The following UGT1A3 variants were observed in gnomAD, a reference collection of about 807,000 sequenced individuals.
UGT1A3 encodes UDP-glucuronosyltransferase 1A3.
A neutral mutation model predicts 41.0 loss-of-function variants in UGT1A3; 31 were observed. That is an observed-to-expected ratio of 0.76 (90% CI 0.57 to 1.02). The LOEUF (loss-of-function observed/expected upper bound fraction) is 1.02. Among genes scored for constraint, UGT1A3 ranks in the 50% least tolerant of loss-of-function variants. The pLI, the probability that UGT1A3 is intolerant of heterozygous loss-of-function variation, is 0.00. For missense variants in UGT1A3, 737 were observed against 671.0 expected, an observed-to-expected ratio of 1.10 and a Z score of -1.09; for synonymous variants, 262 against 257.6, an observed-to-expected ratio of 1.02 and a Z score of -0.17.
chr2:233,742,421 C>T (rs114948883), intron 1 of UGT1A3, among the ~76,000 whole-genome samples: 5,160 of 152,060 alleles, frequency 0.034, 167 homozygotes, highest in African/African-American at 0.052. Context: ...ACACCTTAAG[C>T]GGTTTTCCTC....
At position 233,768,372 on chromosome 2, in the gene UGT1A3, C is replaced by A; in HGVS notation, c.1240C>A (p.Leu414Met). 1 of 1,614,130 alleles carries A rather than the reference C, an allele frequency of 6.2e-7. No homozygotes were observed. The highest frequency in any genetic ancestry group is 8.5e-7 in the Non-Finnish European group (1 of 1,180,038). The change falls in exon 4 of 5, where the codon CTG becomes ATG. Residue 414 changes from leucine (L) to methionine (M), a missense_variant. By Grantham distance (15) the Leu-to-Met change is conservative. Coordinates refer to ENST00000482026, the MANE Select transcript of UGT1A3 (RefSeq NM_019093.4). The part of the protein sequence containing the change: ...RMETKGAGVT[L>M]NVLEMTSEDL... ...GGAGACTAAGGGAGCTGGAGTGACC[C>A]TGAATGTTCTGGAAATGACTTCTGA...
chr2:233,749,922 T>G (rs1694307540), intron 1 of UGT1A3, among the ~76,000 whole-genome samples: 2 of 151,936 alleles, frequency 1.3e-5, no homozygotes, highest in South Asian at 4.1e-4. Context: ...GTGAGTCAAT[T>G]AAAGCTCTTT....
Position 233,729,346 on chromosome 2 carries a change from T to C in UGT1A3, c.220T>C (p.Phe74Leu), listed in dbSNP as rs1339922469. 6.2e-7 allele frequency: 1 copy of C among 1,614,150 alleles called. No homozygotes were observed. The highest frequency in any genetic ancestry group is 8.5e-7 in the Non-Finnish European group (1 of 1,180,014). Residue 74 changes from phenylalanine to leucine, a missense_variant, in exon 1 of 5, where the codon TTT becomes CTT. Phe to Leu is a conservative substitution (Grantham distance 22). Coordinates refer to ENST00000482026, the MANE Select transcript of UGT1A3 (RefSeq NM_019093.4). ...EVNMHIKEEN[F>L]FTLTTYAISW... Reference sequence around the variant, plus strand: ...GAATATGCACATCAAAGAAGAGAACTTTTTCACCCTGACAACCTATGCCAT... The same window carrying C: ...GAATATGCACATCAAAGAAGAGAACCTTTTCACCCTGACAACCTATGCCAT...
Position 233,729,642 on chromosome 2 carries a change from T to C in UGT1A3, c.516T>C (p.Phe172=), listed in dbSNP as rs1273465947. The C allele has an allele frequency of 3.1e-6, 5 of 1,613,940 alleles. No homozygotes were observed. Among genetic ancestry groups the C allele is most frequent in the South Asian group, 2.2e-5 (2 of 91,062 alleles). Residue 172 remains phenylalanine, a synonymous_variant, in exon 1 of 5, where the codon TTT becomes TTC. Coordinates refer to ENST00000482026, the MANE Select transcript of UGT1A3 (RefSeq NM_019093.4). ...ACCTGTCGATTCCTACTGTGTTTTT[T>C]TTGAGGAACATTCCATGTGATTTAG... ...AKYLSIPTVF[F]LRNIPCDLDF...
intron 1 of UGT1A3, among the ~76,000 whole-genome samples, chr2:233,757,560 A>ATATGTG (rs904896556): frequency 1.6e-5 from 2 of 123,146 alleles, no homozygotes; most frequent in African/African-American, 6.8e-5. Flanking sequence ...ATATATATAT[A>ATATGTG]TGTATATATG....
rs1559392013 is a variant in UGT1A3 at position 233,747,291 on chromosome 2, T to C, written c.867+17298T>C. The C allele has an allele frequency of 3.1e-6, 5 of 1,600,838 alleles. No individual in the cohort carries two copies. In the African/African-American group the frequency reaches 4.0e-5, roughly 13 times the overall value. On this transcript the variant is annotated intron_variant, in intron 1 of 4. Transcript: ENST00000482026. ...TCCTTCTCAGTGCCCAGCCCTGGGCTGAGAGTGGGAAGGTGCTGGTGGTAC... is the reference window on the plus strand; with the variant it reads ...TCCTTCTCAGTGCCCAGCCCTGGGCCGAGAGTGGGAAGGTGCTGGTGGTAC...
intron 1 of UGT1A3, chr2:233,755,528 C>G (rs1695950556): frequency 6.3e-6 from 1 of 159,796 alleles, no homozygotes; most frequent in South Asian, 1.8e-4. Flanking sequence ...CGGCCTCCAA[C>G]CAGCCATGGT....
At chr2:233,732,419 C>T (rs1270659145) in intron 1 of UGT1A3, among the ~76,000 whole-genome samples, 4 of 152,190 alleles carry the variant, frequency 2.6e-5, no homozygotes, top group Non-Finnish European at 5.9e-5. Context: ...CCTAGGTTTT[C>T]TTCTAGGATT....
intron 1 of UGT1A3, among the ~76,000 whole-genome samples, chr2:233,763,089 A>C (rs1698233437): frequency 6.6e-6 from 1 of 152,238 alleles, no homozygotes; most frequent in South Asian, 2.1e-4. Flanking sequence ...GGATGTTTGT[A>C]GGAGAGGCAC....
intron 1 of UGT1A3, among the ~76,000 whole-genome samples, chr2:233,748,343 G>A (rs192012783): frequency 6.6e-5 from 10 of 151,870 alleles, no homozygotes; most frequent in African/African-American, 1.2e-4. Flanking sequence ...GAGACTGTTC[G>A]TTTGTAAAGG....
At chr2:233,766,428 A>G (rs1336103880) in intron 1 of UGT1A3, among the ~76,000 whole-genome samples, 1 of 152,116 alleles carries the variant, frequency 6.6e-6, no homozygotes, top group African/African-American at 2.4e-5. Context: ...CCCGATGTCC[A>G]GCTACCTGTG....
chr2:233,741,163 A>G (rs1015106485), intron 1 of UGT1A3, among the ~76,000 whole-genome samples: 3 of 151,960 alleles, frequency 2.0e-5, no homozygotes, highest in Non-Finnish European at 2.9e-5. Flanking sequence ...AATCCAGGAT[A>G]TATCAAAACT....
At chr2:233,761,212 G>T in intron 1 of UGT1A3, 1 of 1,613,674 alleles carries the variant, frequency 6.2e-7, no homozygotes, top group Non-Finnish European at 8.5e-7. Flanking sequence ...ACTTTGGATC[G>T]ATTAACTAGC....
Position 233,767,883 on chromosome 2 carries a change from A to G in UGT1A3, c.1034A>G (p.Asn345Ser), listed in dbSNP as rs1336725166. 1.2e-6 allele frequency: 2 copies of G among 1,614,150 alleles called. No homozygotes were observed. The highest frequency in any genetic ancestry group is 2.2e-5 in the South Asian group (2 of 91,074). Residue 345 changes from asparagine to serine, a missense_variant, in exon 3 of 5, where the codon AAT (asparagine) becomes AGT (serine). Coordinates refer to ENST00000482026, the MANE Select transcript of UGT1A3 (RefSeq NM_019093.4). ...LWRYTGTRPSNLANNTILVKW... is the reference protein window; with the variant it reads ...LWRYTGTRPSSLANNTILVKW... The stretch of plus-strand genomic sequence containing the variant: ...CGGTACACTGGAACCCGACCATCGA[A>G]TCTTGCGAACAACACGATACTTGTT...
At chr2:233,770,376 A>T (rs1000336049) in intron 4 of UGT1A3, 3 of 152,228 alleles carry the variant, frequency 2.0e-5, no homozygotes, top group African/African-American at 4.8e-5. Flanking sequence ...AGTTCTGGCC[A>T]GGTACGGTGG....
chr2:233,766,893 T>C (rs1364703426), intron 1 of UGT1A3, 141 bp from the exon 2 acceptor site: 21 of 1,472,754 alleles, frequency 1.4e-5, no homozygotes. Flanking sequence ...AACTTACATA[T>C]TAATAATTTT....
chr2:233,744,372 A>C (rs181518181), intron 1 of UGT1A3, among the ~76,000 whole-genome samples: 3 of 151,890 alleles, frequency 2.0e-5, no homozygotes. Flanking sequence ...TTAGGACTGC[A>C]GTTCTCCAAC....
intron 1 of UGT1A3, among the ~76,000 whole-genome samples, chr2:233,751,879 G>A (rs1331680632): frequency 6.6e-6 from 1 of 152,148 alleles, no homozygotes; most frequent in Non-Finnish European, 1.5e-5. Context: ...CCCGTCTTGG[G>A]TATGTCTTTA....
At position 233,729,273 on chromosome 2, in the gene UGT1A3, G is replaced by A. The variant is rs759495463; in HGVS notation, c.147G>A (p.Arg49=). The change falls in exon 1 of 5, where the codon CGG becomes CGA. Residue 49 remains arginine (R), a synonymous_variant. Coordinates refer to ENST00000482026, the MANE Select transcript of UGT1A3 (RefSeq NM_019093.4). ...SHWLSMREVL[R]ELHARGHQAV... ...GGCTCAGCATGCGGGAGGTCTTGCG[G>A]GAGCTCCATGCCAGAGGCCACCAGG... 2 of 1,614,242 alleles carry A rather than the reference G, an allele frequency of 1.2e-6. No homozygotes were observed. The highest frequency in any genetic ancestry group is 1.7e-6 in the Non-Finnish European group (2 of 1,180,040).
Sources: allele counts gnomAD v4.1 joint callset (sites outside exome capture counted in the v4.1 genomes callset), GRCh38; gene constraint gnomAD v4.1.1; transcripts MANE v1.5; gene names NCBI Gene and HGNC (gene_info 2026-07-23, HGNC 2026-07-21).